ACBD6: variants seen among roughly 807,000 people sequenced by gnomAD.
The protein encoded by ACBD6 is acyl-CoA-binding domain-containing protein 6.
Under a neutral mutation model 37.2 loss-of-function variants are expected in ACBD6, and 28 were observed. The ratio of observed to expected loss-of-function variants is 0.75; its 90% CI spans 0.56 to 1.03. ACBD6 has a LOEUF of 1.03. Ranked by LOEUF, ACBD6 falls within the 50% of genes least tolerant of loss-of-function variation. ACBD6 has a pLI of 0.00. For missense variants in ACBD6, 340 were observed against 337.4 expected, an observed-to-expected ratio of 1.01 and a Z score of -0.06; for synonymous variants, 113 against 126.8, an observed-to-expected ratio of 0.89 and a Z score of 0.73.
At chr1:180,394,353 G>A (rs901735833) in intron 6 of ACBD6, among the ~76,000 whole-genome samples, 25 of 151,342 alleles carry the variant, frequency 1.7e-4, no homozygotes, top group African/African-American at 6.1e-4. Context: ...GCCCCCTAAA[G>A]TGCTAGAATT....
intron 6 of ACBD6, among the ~76,000 whole-genome samples, chr1:180,322,401 A>AT (rs886618229): frequency 1.3e-5 from 2 of 151,904 alleles, no homozygotes; most frequent in African/African-American, 4.8e-5. Context: ...TCCCTCCTCA[A>AT]TTTTTTTGGA....
chr1:180,438,116 T>C (rs1649126349), intron 3 of ACBD6, among the ~76,000 whole-genome samples: 1 of 152,180 alleles, frequency 6.6e-6, no homozygotes, highest in Admixed American at 6.5e-5. Context: ...AAGACTATTG[T>C]GAACTGCACA....
chr1:180,495,637 C>A, intron 1 of ACBD6, 112 bp from the exon 2 acceptor site: 1 of 808,140 alleles, frequency 1.2e-6, no homozygotes, highest in Non-Finnish European at 2.0e-6. Flanking sequence ...AAAATATTTG[C>A]ATCTATATGG....
chr1:180,292,889 CCTATTT>C (rs1464742702), intron 7 of ACBD6, among the ~76,000 whole-genome samples: 2 of 151,580 alleles, frequency 1.3e-5, no homozygotes, highest in African/African-American at 4.9e-5. Context: ...CCTACTATTT[CCTATTT>C]CTATTTTGTT....
chr1:180,383,681 G>T (rs1055295773), intron 6 of ACBD6, among the ~76,000 whole-genome samples: 1 of 152,104 alleles, frequency 6.6e-6, no homozygotes, highest in Non-Finnish European at 1.5e-5. Flanking sequence ...TGTAAAATGT[G>T]TATGGAACCA....
chr1:180,293,836 C>T (rs1649809632), intron 7 of ACBD6, among the ~76,000 whole-genome samples: 1 of 152,022 alleles, frequency 6.6e-6, no homozygotes, highest in South Asian at 2.1e-4. Context: ...GTGTTGAACT[C>T]CTGGCTCCAA....
At chr1:180,485,266 A>G (rs1651217686) in intron 3 of ACBD6, among the ~76,000 whole-genome samples, 1 of 152,186 alleles carries the variant, frequency 6.6e-6, no homozygotes, top group African/African-American at 2.4e-5. Flanking sequence ...TTCCAGGGAT[A>G]GGGCAGGGCA....
intron 7 of ACBD6, among the ~76,000 whole-genome samples, chr1:180,288,794 A>C (rs939916881): frequency 1.3e-5 from 2 of 152,202 alleles, no homozygotes; most frequent in South Asian, 4.1e-4. Flanking sequence ...TCTAGTCTTT[A>C]AGAATGGGAT....
chr1:180,323,261 T>C (rs1651141542), intron 6 of ACBD6, among the ~76,000 whole-genome samples: 1 of 152,034 alleles, frequency 6.6e-6, no homozygotes, highest in Admixed American at 6.6e-5. Flanking sequence ...TTTCATTTGA[T>C]TGTGGTCAGA....
At chr1:180,473,254 T>C (rs1484729640) in intron 3 of ACBD6, among the ~76,000 whole-genome samples, 2 of 151,950 alleles carry the variant, frequency 1.3e-5, no homozygotes, top group African/African-American at 2.4e-5. Context: ...GAGACCATCC[T>C]GGCTAAAACG....
chr1:180,366,085 A>C (rs919546655), intron 6 of ACBD6, among the ~76,000 whole-genome samples: 60 of 152,338 alleles, frequency 3.9e-4, no homozygotes, highest in African/African-American at 1.4e-3. Flanking sequence ...AACACTAGGC[A>C]TAGCCAAATA....
chr1:180,452,639 T>C (rs1278696440), intron 3 of ACBD6, among the ~76,000 whole-genome samples: 1 of 151,956 alleles, frequency 6.6e-6, no homozygotes, highest in Non-Finnish European at 1.5e-5. Flanking sequence ...AGCTGATTTT[T>C]TGAAAAGATT....
At chr1:180,401,609 T>A (rs1020286022) in intron 5 of ACBD6, among the ~76,000 whole-genome samples, 1 of 151,690 alleles carries the variant, frequency 6.6e-6, no homozygotes, top group African/African-American at 2.4e-5. Context: ...CATGGTGAAA[T>A]GCTGTCTCTA....
At chr1:180,436,930 A>G (rs1012949091) in intron 3 of ACBD6, among the ~76,000 whole-genome samples, 2 of 152,210 alleles carry the variant, frequency 1.3e-5, no homozygotes, top group African/African-American at 4.8e-5. Context: ...CAAGGCAAGG[A>G]TATCTATTCT....
chr1:180,296,927 C>T (rs1003743849), intron 7 of ACBD6, among the ~76,000 whole-genome samples: 1 of 151,936 alleles, frequency 6.6e-6, no homozygotes, highest in African/African-American at 2.4e-5. Context: ...GAGATCGAAA[C>T]CATCCTGGCT....
At chr1:180,303,187 T>C (rs1350567209) in intron 7 of ACBD6, among the ~76,000 whole-genome samples, 1 of 148,484 alleles carries the variant, frequency 6.7e-6, no homozygotes, top group African/African-American at 2.5e-5. Context: ...AACATCACAA[T>C]TAAAAGAACT....
chr1:180,282,030 C>T (rs1315919575), intron 8 of ACBD6, among the ~76,000 whole-genome samples: 1 of 152,026 alleles, frequency 6.6e-6, no homozygotes, highest in African/African-American at 2.4e-5. Flanking sequence ...CAGGATTTTC[C>T]TTTAGAACCC....
chr1:180,362,364 T>C (rs376355601), intron 6 of ACBD6, among the ~76,000 whole-genome samples: 2 of 152,292 alleles, frequency 1.3e-5, no homozygotes, highest in African/African-American at 4.8e-5. Context: ...CTAACTGCTA[T>C]GTTTTGAGTC....
intron 6 of ACBD6, among the ~76,000 whole-genome samples, chr1:180,351,673 G>A (rs2101893563): frequency 6.7e-6 from 1 of 149,866 alleles, no homozygotes; most frequent in South Asian, 2.1e-4. Context: ...AAAATGACAA[G>A]TGTTGGCTAG....
Sources: gnomAD v4.1 joint callset for allele counts (sites outside exome capture counted in the v4.1 genomes callset) on GRCh38, gnomAD v4.1.1 for gene constraint, MANE v1.5 for transcripts, NCBI Gene and HGNC (gene_info 2026-07-23, HGNC 2026-07-21) for gene names.